Variants in MREG observed in about 807,000 individuals in gnomAD.
MREG encodes the protein melanoregulin.
In MREG, 31 loss-of-function variants were observed where a neutral mutation model predicts 28.5. The observed-to-expected ratio is 1.09, with a 90% CI of 0.82 to 1.47. MREG has a LOEUF of 1.47. MREG is among the 40% of genes most tolerant of loss of function. MREG has a pLI of 0.00. For synonymous variants in MREG, 106 were observed against 95.2 expected, an observed-to-expected ratio of 1.11 and a Z score of -0.66; for missense variants, 256 against 257.4, an observed-to-expected ratio of 0.99 and a Z score of 0.04.
intron 1 of MREG, among the ~76,000 whole-genome samples, chr2:216,005,444 CTTT>C (rs58288878): frequency 2.3e-5 from 2 of 86,330 alleles, no homozygotes; most frequent in Middle Eastern, 0.01. Context: ...TCTAGTTATT[CTTT>C]TTTTTTTTTT....
At chr2:216,005,936 T>G (rs1176579906) in intron 1 of MREG, among the ~76,000 whole-genome samples, 27 of 151,076 alleles carry the variant, frequency 1.8e-4, no homozygotes, top group Admixed American at 1.8e-3. Context: ...TCACCAAAAT[T>G]ATTTCCTAAA....
intron 2 of MREG, among the ~76,000 whole-genome samples, chr2:215,957,840 A>G (rs1033109484): frequency 1.3e-5 from 2 of 152,120 alleles, no homozygotes; most frequent in African/African-American, 2.4e-5. Context: ...ACAATAGCAA[A>G]GACTTGGAAC....
upstream of MREG, among the ~76,000 whole-genome samples, chr2:216,016,520 T>C (rs1341154519): frequency 1.3e-5 from 2 of 152,224 alleles, no homozygotes; most frequent in Admixed American, 6.5e-5. Flanking sequence ...CATTACTAAC[T>C]TTGATTTTTA....
intron 2 of MREG, among the ~76,000 whole-genome samples, chr2:215,976,914 T>A (rs1170044902): frequency 6.6e-6 from 1 of 152,202 alleles, no homozygotes; most frequent in Non-Finnish European, 1.5e-5. Flanking sequence ...GGTACCAGCC[T>A]CTGCAAAAAC....
chr2:215,984,237 G>C (rs1406330450), intron 2 of MREG, among the ~76,000 whole-genome samples: 1 of 152,110 alleles, frequency 6.6e-6, no homozygotes, highest in Admixed American at 6.5e-5. Context: ...GCATGGGAAA[G>C]ACTTGCCCCC....
intron 1 of MREG, among the ~76,000 whole-genome samples, chr2:216,007,994 G>T (rs940329855): frequency 5.3e-5 from 8 of 152,164 alleles, no homozygotes; most frequent in African/African-American, 1.7e-4. Context: ...CGGCTCACAG[G>T]AACCTAACTC....
At chr2:215,958,521 A>T (rs1376741076) in intron 2 of MREG, among the ~76,000 whole-genome samples, 1 of 152,218 alleles carries the variant, frequency 6.6e-6, no homozygotes, top group Admixed American at 6.5e-5. Context: ...GGCTGCACTG[A>T]TGCAAGCAGC....
intron 1 of MREG, among the ~76,000 whole-genome samples, chr2:216,004,503 C>T (rs1005101505): frequency 6.7e-6 from 1 of 149,136 alleles, no homozygotes; most frequent in African/African-American, 2.5e-5. Flanking sequence ...GAGATAATGC[C>T]AATGCACTCC....
intron 1 of MREG, among the ~76,000 whole-genome samples, chr2:216,026,562 TG>T (rs1206908883): frequency 2.0e-5 from 3 of 152,102 alleles, no homozygotes; most frequent in Admixed American, 1.3e-4. Context: ...GGTTTCACCA[TG>T]TTGCCCAGGC....
rs1380311206 is a variant in MREG at position 215,943,205 on chromosome 2, A to G, written c.*1658T>C. 6 of 278,596 alleles carry G rather than the reference A, an allele frequency of 2.2e-5. No individual in the cohort carries two copies. Among genetic ancestry groups the G allele is most frequent in the South Asian group, 1.8e-4 (5 of 28,042 alleles). 17.3% of individuals were successfully genotyped at this position (278,596 alleles called of 1,614,324 possible). A position where few individuals can be genotyped will look rare whatever the true frequency, so the allele number is the denominator to read the frequency against. On this transcript the variant is annotated 3_prime_UTR_variant, in exon 5 of 5. Transcript: ENST00000263268. ...ATATTTCCATTTTTCTCAGCAATCT[A>G]TGGATTAACCTTACAAATCCTTAAA...
intron 1 of MREG, among the ~76,000 whole-genome samples, chr2:216,008,981 T>C (rs548226494): frequency 2.0e-5 from 3 of 152,190 alleles, no homozygotes; most frequent in Non-Finnish European, 1.5e-5. Flanking sequence ...ATCCCCACCA[T>C]AGCCCTATGA....
At chr2:215,975,950 G>C (rs535191742) in intron 2 of MREG, among the ~76,000 whole-genome samples, 5 of 152,142 alleles carry the variant, frequency 3.3e-5, no homozygotes, top group African/African-American at 1.2e-4. Flanking sequence ...GCCGGGCATG[G>C]TGGTGTGCAC....
chr2:215,985,325 T>C (rs555345978), intron 2 of MREG, among the ~76,000 whole-genome samples: 1 of 152,332 alleles, frequency 6.6e-6, no homozygotes, highest in South Asian at 2.1e-4. Flanking sequence ...AGGATAATGA[T>C]TTAGGAACAT....
At chr2:216,017,070 T>C (rs560644040), upstream of MREG, among the ~76,000 whole-genome samples, 2 of 152,316 alleles carry the variant, frequency 1.3e-5, no homozygotes, top group South Asian at 4.1e-4. Flanking sequence ...TAACCATTAT[T>C]ATCAATATGG....
At chr2:215,957,482 T>G (rs1692655475) in intron 2 of MREG, among the ~76,000 whole-genome samples, 1 of 152,094 alleles carries the variant, frequency 6.6e-6, no homozygotes, top group South Asian at 2.1e-4. Flanking sequence ...TCAAGGAGTT[T>G]GACGAAGGTA....
intron 2 of MREG, among the ~76,000 whole-genome samples, chr2:215,962,305 A>C (rs12619088): frequency 0.016 from 2,419 of 152,224 alleles, 58 homozygotes; most frequent in East Asian, 0.1. Context: ...ATAAGATTCG[A>C]GCTAGTTTTG....
chr2:215,960,899 G>A (rs898551941), intron 2 of MREG, among the ~76,000 whole-genome samples: 11 of 152,112 alleles, frequency 7.2e-5, no homozygotes, highest in African/African-American at 2.4e-4. Flanking sequence ...GTGTCAAGGA[G>A]GGCACCCTCT....
intron 1 of MREG, among the ~76,000 whole-genome samples, chr2:216,018,860 T>C (rs1694482707): frequency 6.6e-6 from 1 of 152,206 alleles, no homozygotes; most frequent in South Asian, 2.1e-4. Context: ...ACAATGAAGG[T>C]ACCTTCCATC....
At chr2:216,019,894 T>A (rs564349834) in intron 1 of MREG, among the ~76,000 whole-genome samples, 1 of 152,314 alleles carries the variant, frequency 6.6e-6, no homozygotes, top group East Asian at 1.9e-4. Context: ...TAGTCTTTGC[T>A]TATTCTTCAG....
Sources: gnomAD v4.1 joint callset for allele counts (sites outside exome capture counted in the v4.1 genomes callset) on GRCh38, gnomAD v4.1.1 for gene constraint, MANE v1.5 for transcripts, NCBI Gene and HGNC (gene_info 2026-07-23, HGNC 2026-07-21) for gene names.